KIAA1217: variants seen among roughly 807,000 people sequenced by gnomAD.
KIAA1217 encodes sickle tail protein homolog.
KIAA1217 carries 88 observed loss-of-function variants against 163.9 expected under a neutral mutation model. The observed-to-expected ratio is 0.54, with a 90% CI of 0.45 to 0.64. KIAA1217 has a LOEUF of 0.64. Ranked by LOEUF, KIAA1217 falls within the 30% of genes least tolerant of loss-of-function variation. KIAA1217 has a pLI of 0.00. For synonymous variants in KIAA1217, 903 were observed against 923.1 expected (o/e 0.98, Z 0.39); for missense variants, 2,372 against 2,475.0 (o/e 0.96, Z 0.88).
At chr10:24,146,534 A>C (rs1403573065) in intron 2 of KIAA1217, among the ~76,000 whole-genome samples, 1 of 152,080 alleles carries the variant, frequency 6.6e-6, no homozygotes, top group Non-Finnish European at 1.5e-5. Context: ...AAAAATACAA[A>C]AGTTAGCCAG....
intron 2 of KIAA1217, among the ~76,000 whole-genome samples, chr10:24,238,852 C>T (rs1282942069): frequency 6.6e-6 from 1 of 152,170 alleles, no homozygotes; most frequent in African/African-American, 2.4e-5. Context: ...TAACGAACGC[C>T]TATAATTTTG....
rs766244263 is a variant in KIAA1217, at chr10:24,542,621, G to A, written c.3535-72G>A. 1.1e-5 allele frequency: 18 copies of A among 1,583,888 alleles called. No homozygotes were observed. In the Middle Eastern group the frequency reaches 5.0e-4, roughly 44 times the overall value. On this transcript the variant is annotated intron_variant, in intron 17 of 20. Coordinates refer to ENST00000376454, the MANE Select transcript of KIAA1217 (RefSeq NM_019590.5). ...GTCTTAGAAATGTAATTAAAGGAAC[G>A]ATTTAGTTATAGTCCACTTTTTTGG...
At chr10:24,232,242 C>T (rs918151303) in intron 2 of KIAA1217, among the ~76,000 whole-genome samples, 5 of 152,146 alleles carry the variant, frequency 3.3e-5, no homozygotes, top group African/African-American at 9.7e-5. Flanking sequence ...GCAAAATTGA[C>T]GTACAGTTGA....
At chr10:24,293,360 C>T (rs780737975) in intron 2 of KIAA1217, among the ~76,000 whole-genome samples, 35 of 152,180 alleles carry the variant, frequency 2.3e-4, no homozygotes, top group Non-Finnish European at 4.3e-4. Flanking sequence ...CGTGAGCCAC[C>T]GCGCCTGGCT....
chr10:23,929,878 G>A (rs565060603), intron 1 of KIAA1217, among the ~76,000 whole-genome samples: 8 of 152,160 alleles, frequency 5.3e-5, no homozygotes, highest in African/African-American at 1.7e-4. Flanking sequence ...GGGAAATCTC[G>A]GAGCTGATTT....
chr10:24,375,989 A>G (rs2052432090), intron 2 of KIAA1217, among the ~76,000 whole-genome samples: 1 of 152,230 alleles, frequency 6.6e-6, no homozygotes, highest in Admixed American at 6.5e-5. Flanking sequence ...ACTTTCTTTT[A>G]TCTTTGTTGT....
intron 2 of KIAA1217, among the ~76,000 whole-genome samples, chr10:24,304,147 A>C (rs727269): frequency 0.4 from 55,570 of 140,068 alleles, 12,362 homozygotes; most frequent in Middle Eastern, 0.57. Flanking sequence ...TTTTTTTTGC[A>C]TGGAAAAGTG....
chr10:24,193,949 A>G (rs1025177412), intron 2 of KIAA1217, among the ~76,000 whole-genome samples: 24 of 151,624 alleles, frequency 1.6e-4, no homozygotes, highest in African/African-American at 5.6e-4. Flanking sequence ...GCACTTTGGA[A>G]GTCTAGGTGG....
At chr10:24,470,839 A>G (rs1157176223) in intron 5 of KIAA1217, among the ~76,000 whole-genome samples, 1 of 151,974 alleles carries the variant, frequency 6.6e-6, no homozygotes, top group Non-Finnish European at 1.5e-5. Context: ...TCTATGTAAA[A>G]CTTGCAGGGC....
rs534088910 is a variant in KIAA1217, at chr10:24,155,543, G to A, written c.-170-64083G>A. On this transcript the variant is annotated intron_variant, in intron 2 of 18. Coordinates refer to the KIAA1217 transcript ENST00000376462. The stretch of plus-strand genomic sequence containing the variant: ...TGCTTTTCAAAAAATGTCAGGGGCC[G>A]GGTGCAGTGGCTGATGCCTATAATC... 5.9e-5 allele frequency among the ~76,000 whole-genome samples: 9 copies of A among 152,276 alleles called. No individual in the cohort carries two copies. In the South Asian group the frequency reaches 6.2e-4, roughly 11 times the overall value.
At chr10:23,797,363 G>T (rs1335234054) in intron 1 of KIAA1217, among the ~76,000 whole-genome samples, 1 of 152,034 alleles carries the variant, frequency 6.6e-6, no homozygotes, top group African/African-American at 2.4e-5. Flanking sequence ...GAAAGGAGGA[G>T]ACTGAATTTG....
intron 3 of KIAA1217, among the ~76,000 whole-genome samples, chr10:24,391,600 C>T (rs943159688): frequency 1.3e-5 from 2 of 152,098 alleles, no homozygotes; most frequent in Admixed American, 6.5e-5. Flanking sequence ...CCACCTCAGC[C>T]TCCCAAAGTG....
At chr10:24,313,994 C>T (rs926153516) in intron 2 of KIAA1217, among the ~76,000 whole-genome samples, 7 of 151,928 alleles carry the variant, frequency 4.6e-5, no homozygotes, top group African/African-American at 1.5e-4. Context: ...TGCCCACCAC[C>T]GCGCCCAGCT....
At chr10:24,441,474 G>A (rs191679702) in intron 5 of KIAA1217, among the ~76,000 whole-genome samples, 14 of 152,304 alleles carry the variant, frequency 9.2e-5, no homozygotes, top group African/African-American at 2.9e-4. Flanking sequence ...TCCCAGAGCG[G>A]TTTTATGATT....
In KIAA1217 at chr10:24,209,208, A is replaced by C. The variant is rs757415477; in HGVS notation, c.15A>C (p.Glu5Asp). 18 of 1,613,822 alleles carry C rather than the reference A, an allele frequency of 1.1e-5. No individual in the cohort carries two copies. In the African/African-American group the frequency reaches 2.4e-4, roughly 22 times the overall value. Residue 5 changes from glutamate (E) to aspartate (D), a missense_variant, in exon 1 of 21, where the codon GAA becomes GAC. By Grantham distance (45) the Glu-to-Asp change is conservative (BLOSUM62 2). Coordinates refer to ENST00000376454, the MANE Select transcript of KIAA1217 (RefSeq NM_019590.5). MEEN[E>D]SQKCEPCLPY... Reference sequence around the variant, plus strand: ...AGGCAGAGACAATGGAAGAAAATGAAAGCCAGAAATGTGAGCCGTGCCTTC... The same window carrying C: ...AGGCAGAGACAATGGAAGAAAATGACAGCCAGAAATGTGAGCCGTGCCTTC...
chr10:23,733,233 G>A (rs1310237342), intron 1 of KIAA1217, among the ~76,000 whole-genome samples: 7 of 152,062 alleles, frequency 4.6e-5, no homozygotes, highest in African/African-American at 9.7e-5. Flanking sequence ...GGCTGGTCTC[G>A]AACTGCTGAC....
chr10:24,052,590 G>GTACATATAT (rs1849591392), intron 2 of KIAA1217, among the ~76,000 whole-genome samples: 1 of 151,412 alleles, frequency 6.6e-6, no homozygotes, highest in South Asian at 2.1e-4. Flanking sequence ...TCAGTTCTTG[G>GTACATATAT]TGCTTCCAAC....
At chr10:23,943,997 C>G (rs1843902035) in intron 1 of KIAA1217, among the ~76,000 whole-genome samples, 1 of 152,194 alleles carries the variant, frequency 6.6e-6, no homozygotes, top group Non-Finnish European at 1.5e-5. Context: ...ATAGGTCAAT[C>G]TCCTTACTAA....
intron 1 of KIAA1217, among the ~76,000 whole-genome samples, chr10:23,978,764 G>T (rs1312129936): frequency 1.3e-5 from 2 of 152,046 alleles, no homozygotes; most frequent in African/African-American, 4.8e-5. Context: ...GCAAACTAAA[G>T]ACAAAATAAC....
Sources: allele counts gnomAD v4.1 joint callset (sites outside exome capture counted in the v4.1 genomes callset), GRCh38; gene constraint gnomAD v4.1.1; transcripts MANE v1.5; gene names NCBI Gene and HGNC (gene_info 2026-07-23, HGNC 2026-07-21).